TAFA5: variants seen among roughly 807,000 people sequenced by gnomAD.
The protein encoded by TAFA5 is chemokine-like protein TAFA-5.
In TAFA5, 6 loss-of-function variants were observed where a neutral mutation model predicts 15.3. That is an observed-to-expected ratio of 0.39 (90% CI 0.21 to 0.77). TAFA5 has a LOEUF of 0.77. Ranked by LOEUF, TAFA5 falls within the 30% of genes least tolerant of loss-of-function variation. TAFA5 has a pLI of 0.41. For missense variants in TAFA5, 161 were observed against 193.1 expected (o/e 0.83, Z 0.98); for synonymous variants, 103 against 80.7 (o/e 1.28, Z -1.48).
chr22:48,558,535 C>T (rs887005728), intron 1 of TAFA5, among the ~76,000 whole-genome samples: 3 of 152,186 alleles, frequency 2.0e-5, no homozygotes, highest in African/African-American at 7.2e-5. Flanking sequence ...TGGGTGTTTG[C>T]CACGGTCTCT....
chr22:48,707,968 G>A (rs1424442784), intron 3 of TAFA5, 124 bp downstream of exon 3: 64 of 1,313,758 alleles, frequency 4.9e-5, no homozygotes, highest in Non-Finnish European at 6.2e-5. Flanking sequence ...ATGCAGAGAG[G>A]CCAGGGCCCT....
At chr22:48,639,411 A>C (rs1047217516) in intron 1 of TAFA5, among the ~76,000 whole-genome samples, 2 of 152,180 alleles carry the variant, frequency 1.3e-5, no homozygotes, top group African/African-American at 4.8e-5. Context: ...TCATCCTGTC[A>C]TCCGTCACAT....
intron 3 of TAFA5, among the ~76,000 whole-genome samples, chr22:48,720,581 G>C (rs941508031): frequency 2.0e-4 from 31 of 152,174 alleles, no homozygotes; most frequent in Non-Finnish European, 3.5e-4. Flanking sequence ...AGCCAGGACA[G>C]AGGGGTCCTG....
chr22:48,509,824 G>A (rs967826906), intron 1 of TAFA5, among the ~76,000 whole-genome samples: 30 of 151,940 alleles, frequency 2.0e-4, no homozygotes, highest in African/African-American at 6.5e-4. Flanking sequence ...AGTGGCGGGC[G>A]CCTGTAGTCC....
At chr22:48,576,193 G>A (rs1355831619) in intron 1 of TAFA5, 2 of 229,398 alleles carry the variant, frequency 8.7e-6, no homozygotes, top group African/African-American at 2.3e-5. Context: ...TGGTGGCCGA[G>A]TGGTCGGAGC....
chr22:48,579,889 C>T (rs1307503768), intron 1 of TAFA5, among the ~76,000 whole-genome samples: 1 of 152,236 alleles, frequency 6.6e-6, no homozygotes, highest in Non-Finnish European at 1.5e-5. Context: ...CGGCCCGATC[C>T]TTTCTGAATG....
chr22:48,605,681 GGCCTCTAAATTTGAACTTCAACTTGA>G (rs1182655184), intron 1 of TAFA5, among the ~76,000 whole-genome samples: 1 of 152,196 alleles, frequency 6.6e-6, no homozygotes, highest in African/African-American at 2.4e-5. Flanking sequence ...GTACCTGGGA[GGCCTCTAAATTTGAACTTCAACTTGA>G]GCCTGATTGA....
intron 2 of TAFA5, among the ~76,000 whole-genome samples, chr22:48,693,991 G>A (rs912067251): frequency 2.6e-5 from 4 of 152,228 alleles, no homozygotes; most frequent in South Asian, 4.2e-4. Context: ...CTGGGCTGTC[G>A]GCTTCTCCTC....
chr22:48,595,600 A>T (rs1054247236), intron 1 of TAFA5, among the ~76,000 whole-genome samples: 1 of 152,242 alleles, frequency 6.6e-6, no homozygotes, highest in African/African-American at 2.4e-5. Context: ...AGCCACAATA[A>T]GGGAGATGTC....
chr22:48,573,945 C>T (rs1923672243), intron 1 of TAFA5, among the ~76,000 whole-genome samples: 1 of 152,048 alleles, frequency 6.6e-6, no homozygotes, highest in Non-Finnish European at 1.5e-5. Context: ...TGATAAGCAC[C>T]CAGAAGACCC....
intron 1 of TAFA5, chr22:48,576,475 T>G (rs1460322237): frequency 6.9e-7 from 1 of 1,450,088 alleles, no homozygotes; most frequent in Non-Finnish European, 9.2e-7. Flanking sequence ...GAGTTGGGAC[T>G]CCGCGATGCA....
intron 2 of TAFA5, among the ~76,000 whole-genome samples, chr22:48,658,237 A>AGGGGGG (rs1927315237): frequency 3.4e-5 from 5 of 147,434 alleles, no homozygotes; most frequent in South Asian, 2.2e-4. Context: ...TCCTGAGGGC[A>AGGGGGG]GGGTGGGTGG....
chr22:48,619,218 G>A (rs1925719515), intron 1 of TAFA5, among the ~76,000 whole-genome samples: 3 of 152,150 alleles, frequency 2.0e-5, no homozygotes, highest in Admixed American at 2.0e-4. Context: ...ACAGAGCCTG[G>A]CCTTCTTGCC....
chr22:48,514,727 C>T (rs978489525), intron 1 of TAFA5, among the ~76,000 whole-genome samples: 1 of 152,230 alleles, frequency 6.6e-6, no homozygotes, highest in Non-Finnish European at 1.5e-5. Context: ...CAAAACATAG[C>T]TCTGAGCTTC....
chr22:48,516,209 G>A (rs1921400963), intron 1 of TAFA5, among the ~76,000 whole-genome samples: 1 of 152,184 alleles, frequency 6.6e-6, no homozygotes, highest in Admixed American at 6.5e-5. Context: ...GAGGCGCCGA[G>A]ACATTTTTAC....
At chr22:48,705,601 G>A (rs1929053756) in intron 2 of TAFA5, among the ~76,000 whole-genome samples, 1 of 152,236 alleles carries the variant, frequency 6.6e-6, no homozygotes, top group South Asian at 2.1e-4. Flanking sequence ...GGCATGATTG[G>A]CTGACCCTGT....
chr22:48,545,611 C>G (rs1465879077), intron 1 of TAFA5: 1 of 152,568 alleles, frequency 6.6e-6, no homozygotes, highest in Non-Finnish European at 1.5e-5. Flanking sequence ...GTTTTCAGGA[C>G]CCCTGCTATT....
intron 1 of TAFA5, among the ~76,000 whole-genome samples, chr22:48,622,872 G>C (rs1039869860): frequency 5.9e-5 from 9 of 152,240 alleles, no homozygotes; most frequent in Non-Finnish European, 1.3e-4. Context: ...TCTCGGCTGT[G>C]TGGACAGGGC....
intron 3 of TAFA5, among the ~76,000 whole-genome samples, chr22:48,733,892 T>G (rs1348867257): frequency 6.6e-6 from 1 of 152,186 alleles, no homozygotes; most frequent in Admixed American, 6.5e-5. Context: ...CAGCACAAGT[T>G]TGCCAACCCC....
Sources: gnomAD v4.1 joint callset for allele counts (sites outside exome capture counted in the v4.1 genomes callset) on GRCh38, gnomAD v4.1.1 for gene constraint, MANE v1.5 for transcripts, NCBI Gene and HGNC (gene_info 2026-07-23, HGNC 2026-07-21) for gene names.